The following ERI3 variants were observed in gnomAD, a reference collection of about 807,000 sequenced individuals.
ERI3 encodes ERI1 exoribonuclease family member 3.
A neutral mutation model predicts 44.4 loss-of-function variants in ERI3; 18 were observed. The observed-to-expected ratio is 0.41, with a 90% CI of 0.28 to 0.60. ERI3 has a LOEUF of 0.60. Ranked by LOEUF, ERI3 falls within the 20% of genes least tolerant of loss-of-function variation. The pLI, the probability that ERI3 is intolerant of heterozygous loss-of-function variation, is 0.36. For missense variants in ERI3, 294 were observed against 435.5 expected (o/e 0.68, Z 2.89); for synonymous variants, 183 against 164.8 (o/e 1.11, Z -0.84).
intron 7 of ERI3, among the ~76,000 whole-genome samples, chr1:44,275,138 T>C (rs1645156967): frequency 6.6e-6 from 1 of 152,194 alleles, no homozygotes; most frequent in South Asian, 2.1e-4. Flanking sequence ...TAGCTATTCA[T>C]ACCTCTCTTG....
At chr1:44,308,537 A>G in intron 5 of ERI3, 136 bp from the exon 6 acceptor site, 2 of 743,402 alleles carry the variant, frequency 2.7e-6, no homozygotes, top group East Asian at 5.0e-5. Flanking sequence ...CCATGGCTCC[A>G]CTGTGGGCTC....
At chr1:44,310,963 G>GCGCACA (rs1373873768) in intron 5 of ERI3, among the ~76,000 whole-genome samples, 3 of 123,200 alleles carry the variant, frequency 2.4e-5, no homozygotes, top group Non-Finnish European at 3.4e-5. Context: ...GCGCGCGCGC[G>GCGCACA]CACACACACA....
intron 8 of ERI3, among the ~76,000 whole-genome samples, chr1:44,242,341 C>T (rs951772378): frequency 1.4e-4 from 21 of 152,248 alleles, no homozygotes; most frequent in Non-Finnish European, 1.9e-4. Context: ...TGCATCACCA[C>T]TCAGGTCATC....
intron 3 of ERI3, among the ~76,000 whole-genome samples, chr1:44,330,981 G>T (rs149231956): frequency 6.6e-6 from 1 of 152,290 alleles, no homozygotes; most frequent in African/African-American, 2.4e-5. Flanking sequence ...GAGGTAGGGA[G>T]AAGTGAAGCC....
chr1:44,298,536 A>G (rs1645656913), intron 6 of ERI3, among the ~76,000 whole-genome samples: 1 of 152,258 alleles, frequency 6.6e-6, no homozygotes, highest in South Asian at 2.1e-4. Context: ...ATACAATGGA[A>G]TACTACACAG....
chr1:44,257,955 C>T (rs892227361), intron 7 of ERI3, among the ~76,000 whole-genome samples: 2 of 152,210 alleles, frequency 1.3e-5, no homozygotes, highest in African/African-American at 2.4e-5. Context: ...TGTTCTCCCA[C>T]CCAGGCCTAG....
At chr1:44,240,663 C>T (rs1175644969) in intron 8 of ERI3, among the ~76,000 whole-genome samples, 1 of 152,170 alleles carries the variant, frequency 6.6e-6, no homozygotes, top group Non-Finnish European at 1.5e-5. Flanking sequence ...GATATAAAGC[C>T]CTCTGTACTA....
intron 8 of ERI3, among the ~76,000 whole-genome samples, chr1:44,231,273 T>C (rs1644177050): frequency 6.6e-6 from 1 of 152,234 alleles, no homozygotes; most frequent in South Asian, 2.1e-4. Context: ...TATGGATGCC[T>C]AACCTGTCTG....
intron 3 of ERI3, among the ~76,000 whole-genome samples, chr1:44,334,401 C>A (rs1416008864): frequency 6.6e-6 from 1 of 152,106 alleles, no homozygotes; most frequent in African/African-American, 2.4e-5. Context: ...ACATCCACAC[C>A]AAAATGAGCA....
At chr1:44,276,886 C>T (rs1645189696) in intron 7 of ERI3, among the ~76,000 whole-genome samples, 1 of 151,946 alleles carries the variant, frequency 6.6e-6, no homozygotes, top group South Asian at 2.1e-4. Context: ...ATGCCCACAA[C>T]CAGGCAGCTG....
At position 44,354,987 on chromosome 1, in the gene ERI3, GC is replaced by G. The variant is rs1184349425; in HGVS notation, c.39del (p.Arg14GlyfsTer55). 13 of 1,369,972 alleles carry G rather than the reference GC, an allele frequency of 9.5e-6. No individual in the cohort carries two copies. Among genetic ancestry groups the G allele is most frequent in the South Asian group, 8.5e-5 (4 of 47,248 alleles). The allele number at this position is 1,369,972 out of a possible 1,614,324, so 84.9% of individuals were successfully genotyped here. On this transcript the variant is annotated frameshift_variant, in exon 1 of 9. Transcript: ENST00000372257. LOFTEE classifies it high-confidence loss of function. ...TASPAADGGR[G>X]RPWEGGLVSW... is the part of the protein sequence containing the mutation. ...GAGACCAGCCCTCCTTCCCAGGGCCGCCCCCGCCCCCCGTCAGCAGCGGGAG... is the reference window on the plus strand; with the variant it reads ...GAGACCAGCCCTCCTTCCCAGGGCCGCCCCGCCCCCCGTCAGCAGCGGGAG...
chr1:44,241,016 G>T lies in ERI3; in HGVS notation c.931+6923C>A, dbSNP rs929031745. ...GGGTAGGTCAGCAGGGCTGGCCCAT[G>T]AAGTGTGGATTGTCCCATGAGTACT... is the stretch of plus-strand genomic sequence containing the variant. On this transcript the variant is annotated intron_variant, in intron 8 of 8. Coordinates refer to ENST00000372257, the MANE Select transcript of ERI3 (RefSeq NM_024066.3). This position sits in a 1 kb window ranked among gnomAD's most constrained non-coding sequence, Gnocchi z 5.6. Among the ~76,000 whole-genome samples the T allele has an allele frequency of 6.6e-6, 1 of 152,240 alleles. No homozygotes were observed. Among genetic ancestry groups the T allele is most frequent in the Non-Finnish European group, 1.5e-5 (1 of 68,036 alleles).
chr1:44,301,713 T>C (rs955533489), intron 6 of ERI3, among the ~76,000 whole-genome samples: 1 of 152,146 alleles, frequency 6.6e-6, no homozygotes, highest in African/African-American at 2.4e-5. Flanking sequence ...TTCCCTCCAC[T>C]ACCCTGACCC....
At chr1:44,316,708 A>C (rs1646094865) in intron 4 of ERI3, among the ~76,000 whole-genome samples, 2 of 152,216 alleles carry the variant, frequency 1.3e-5, no homozygotes, top group African/African-American at 4.8e-5. Context: ...CACCCTTTAT[A>C]AGTACAGGTG....
intron 3 of ERI3, among the ~76,000 whole-genome samples, chr1:44,326,582 C>T (rs1646318557): frequency 6.6e-6 from 1 of 152,160 alleles, no homozygotes; most frequent in Non-Finnish European, 1.5e-5. Flanking sequence ...TAGGGCAAAG[C>T]TTATAAATTA....
In ERI3 at chr1:44,339,337, GT is replaced by G. The variant is rs1282896019; in HGVS notation, c.212-16del. 23 of 572,304 alleles carry G rather than the reference GT, an allele frequency of 4.0e-5. No homozygotes were observed. The highest frequency in any genetic ancestry group is 3.7e-4 in the South Asian group (7 of 19,120). 35.5% of individuals were successfully genotyped at this position (572,304 alleles called of 1,614,324 possible). A position where few individuals can be genotyped will look rare whatever the true frequency, so the allele number is the denominator to read the frequency against. On this transcript the variant is annotated splice_polypyrimidine_tract_variant and intron_variant, in intron 2 of 8. Coordinates refer to ENST00000372257, the MANE Select transcript of ERI3 (RefSeq NM_024066.3). The stretch of plus-strand genomic sequence containing the variant: ...AGCATCTAAAACTTAGGGGAGGAAA[GT>G]TTAAAAAAAAAAAAAAAAAAGAAAA...
chr1:44,256,056 A>G (rs1429195937), intron 7 of ERI3, among the ~76,000 whole-genome samples: 5 of 152,080 alleles, frequency 3.3e-5, no homozygotes, highest in Non-Finnish European at 5.9e-5. Context: ...TTATGCTGAG[A>G]GGTTCCTGAG....
At chr1:44,247,569 A>G (rs1377496416) in intron 8 of ERI3, among the ~76,000 whole-genome samples, 1 of 152,162 alleles carries the variant, frequency 6.6e-6, no homozygotes, top group Admixed American at 6.5e-5. Flanking sequence ...ACAGACTTCA[A>G]ACAATATTAA....
At chr1:44,267,914 C>T (rs533045545) in intron 7 of ERI3, among the ~76,000 whole-genome samples, 5 of 152,334 alleles carry the variant, frequency 3.3e-5, no homozygotes, top group South Asian at 4.1e-4. Context: ...TTGAGGGCCC[C>T]GCTTTAGGGC....
Sources: gnomAD v4.1 joint callset for allele counts (sites outside exome capture counted in the v4.1 genomes callset) on GRCh38, gnomAD v4.1.1 for gene constraint, Gnocchi (gnomAD v3.1) non-coding constraint, MANE v1.5 for transcripts, NCBI Gene and HGNC (gene_info 2026-07-23, HGNC 2026-07-21) for gene names.